The following SSH1 variants were observed in gnomAD, a reference collection of about 807,000 sequenced individuals.
The protein encoded by SSH1 is slingshot protein phosphatase 1.
A neutral mutation model predicts 79.7 loss-of-function variants in SSH1; 43 were observed. That is an observed-to-expected ratio of 0.54 (90% confidence interval 0.42 to 0.70). The LOEUF is 0.70. SSH1 is among the 30% of genes least tolerant of loss of function. SSH1 has a pLI of 0.00. For missense variants in SSH1, 1,206 were observed against 1,358.8 expected, an observed-to-expected ratio of 0.89 and a Z score of 1.77; for synonymous variants, 599 against 538.3, an observed-to-expected ratio of 1.11 and a Z score of -1.56.
chr12:108,839,661 C>G (rs1229448404), intron 2 of SSH1, among the ~76,000 whole-genome samples: 2 of 151,916 alleles, frequency 1.3e-5, no homozygotes, highest in Non-Finnish European at 2.9e-5. Flanking sequence ...CTAAAAATAG[C>G]TTCAAAAGTA....
At chr12:108,824,828 TAAGAA>T (rs1029181898) in intron 2 of SSH1, among the ~76,000 whole-genome samples, 13 of 152,202 alleles carry the variant, frequency 8.5e-5, no homozygotes, top group African/African-American at 2.9e-4. Context: ...AATTAAGACA[TAAGAA>T]AAGAATGCTT....
chr12:108,815,474 C>A lies in SSH1; in HGVS notation c.401+1564G>T, dbSNP rs75673115. On this transcript the variant is annotated intron_variant, in intron 5 of 14. Transcript: ENST00000326495. ...GCATTATTGGAACAGGCCACACTTG[C>A]GAGGGAAGTCCCTGCCTCAGAAAGA... Among the ~76,000 whole-genome samples, 1,191 of 152,286 alleles carry A rather than the reference C, an allele frequency of 7.8e-3. 12 individuals are homozygous for A. Among genetic ancestry groups the A allele is most frequent in the African/African-American group, 0.022 (925 of 41,548 alleles).
At chr12:108,810,767 C>T (rs2037544314) in intron 6 of SSH1, among the ~76,000 whole-genome samples, 1 of 152,244 alleles carries the variant, frequency 6.6e-6, no homozygotes, top group South Asian at 2.1e-4. Context: ...GACGGCCCCT[C>T]ATCCCCCGAC....
chr12:108,787,629 C>G lies in SSH1; in HGVS notation c.*359G>C, dbSNP rs952518377. On this transcript the variant is annotated 3_prime_UTR_variant, in exon 15 of 15. Transcript: ENST00000326495. ...AGCTAGAACGTGTGCCGCGGTGAGGCTGCCACCACCAGGACTCTTCTGCAG... is the reference window on the plus strand; with the variant it reads ...AGCTAGAACGTGTGCCGCGGTGAGGGTGCCACCACCAGGACTCTTCTGCAG... 2 of 283,422 alleles carry G rather than the reference C, an allele frequency of 7.1e-6. No homozygotes were observed. Among genetic ancestry groups the G allele is most frequent in the Non-Finnish European group, 1.4e-5 (2 of 147,044 alleles). 17.6% of individuals were successfully genotyped at this position (283,422 alleles called of 1,614,324 possible). A position where few individuals can be genotyped will look rare whatever the true frequency, so the allele number is the denominator to read the frequency against.
intron 2 of SSH1, among the ~76,000 whole-genome samples, chr12:108,844,410 G>A (rs2038850158): frequency 6.6e-6 from 1 of 152,190 alleles, no homozygotes; most frequent in Admixed American, 6.5e-5. Context: ...GTTTACCAGG[G>A]TGATGTCAGA....
In SSH1 at chr12:108,822,655, C is replaced by CT. The variant is rs987683471; in HGVS notation, c.214+602dup. Among the ~76,000 whole-genome samples, 37 of 152,206 alleles carry CT rather than the reference C, an allele frequency of 2.4e-4. 2 individuals carry two copies. The highest frequency in any genetic ancestry group is 7.5e-4 in the African/African-American group (31 of 41,452). Reference sequence around the variant, plus strand: ...TTCCTCTTTCTAACTGCCTTCAGCTCTGAGTCAAGTCTCCTAAGAAAACCA... The same window carrying CT: ...TTCCTCTTTCTAACTGCCTTCAGCTCTTGAGTCAAGTCTCCTAAGAAAACCA... On this transcript the variant is annotated intron_variant, in intron 3 of 14. Transcript: ENST00000326495.
intron 5 of SSH1, among the ~76,000 whole-genome samples, chr12:108,814,544 C>T (rs925666226): frequency 3.3e-5 from 5 of 152,134 alleles, no homozygotes; most frequent in African/African-American, 7.2e-5. Flanking sequence ...TCCCAGCCCC[C>T]GGGATTCCCT....
In SSH1 at chr12:108,817,444, G is replaced by C. The variant is rs1035279590; in HGVS notation, c.280-285C>G. 8.0e-6 allele frequency: 3 copies of C among 375,890 alleles called. No individual in the cohort carries two copies. The Admixed American group carries it at 1.1e-4, about 14-fold the overall frequency. The allele number at this position is 375,890 out of a possible 1,614,324, so 23.3% of individuals were successfully genotyped here. On this transcript the variant is annotated intron_variant, in intron 4 of 14. Coordinates refer to ENST00000326495, the MANE Select transcript of SSH1 (RefSeq NM_018984.4). ...ACAAAAATTAGCTGGGCATGGTGGCGTGCGCCTGTAATCCCAGCTACTCAG... is the reference window on the plus strand; with the variant it reads ...ACAAAAATTAGCTGGGCATGGTGGCCTGCGCCTGTAATCCCAGCTACTCAG...
intron 2 of SSH1, among the ~76,000 whole-genome samples, chr12:108,840,292 G>A (rs2038745276): frequency 6.6e-6 from 1 of 152,096 alleles, no homozygotes; most frequent in African/African-American, 2.4e-5. Context: ...AGCACTTTGG[G>A]AGGCCGAGGT....
chr12:108,804,998 C>T, intron 10 of SSH1, 58 bp downstream of exon 10: 1 of 1,597,988 alleles, frequency 6.3e-7, no homozygotes, highest in Non-Finnish European at 8.6e-7. Context: ...AACTCTTAAA[C>T]AACCAGGGTC....
chr12:108,798,088 A>C (rs547729346), intron 13 of SSH1, among the ~76,000 whole-genome samples: 69 of 152,326 alleles, frequency 4.5e-4, no homozygotes, highest in Non-Finnish European at 8.7e-4. Context: ...CAGAGCAAAG[A>C]GGCCGGTTCC....
intron 1 of SSH1, among the ~76,000 whole-genome samples, chr12:108,855,537 G>T (rs977612176): frequency 3.3e-5 from 5 of 152,206 alleles, no homozygotes; most frequent in South Asian, 2.1e-4. Context: ...CGTAAGACAA[G>T]AACAGATTAG....
In SSH1 at chr12:108,807,470, A is replaced by C; in HGVS notation, c.731+163T>G. 3.2e-6 allele frequency: 2 copies of C among 616,928 alleles called. No individual in the cohort carries two copies. The highest frequency in any genetic ancestry group is 5.7e-6 in the Non-Finnish European group (2 of 350,154). The allele number at this position is 616,928 out of a possible 1,614,324, so 38.2% of individuals were successfully genotyped here. ...CATGGGACAGGGGCCTGTGTCACAG[A>C]CCCCTGCTTTAAACGCTGGTTCTGA... On this transcript the variant is annotated intron_variant, in intron 8 of 14. Transcript: ENST00000326495. The surrounding 1 kb of genome is among the most constrained non-coding windows in gnomAD (Gnocchi z 5.2).
At chr12:108,830,384 C>T (rs1324606291) in intron 2 of SSH1, among the ~76,000 whole-genome samples, 4 of 152,008 alleles carry the variant, frequency 2.6e-5, no homozygotes, top group Non-Finnish European at 5.9e-5. Context: ...CCCTGGAGGT[C>T]GAGGCTGCAC....
chr12:108,818,502 G>A (rs780463304), intron 3 of SSH1, among the ~76,000 whole-genome samples, 189 bp from the exon 4 acceptor site: 8 of 152,222 alleles, frequency 5.3e-5, no homozygotes, highest in Non-Finnish European at 8.8e-5. Context: ...AATACTGTGC[G>A]ACGTGGATGG....
At chr12:108,815,945 G>A (rs1455698346) in intron 5 of SSH1, among the ~76,000 whole-genome samples, 1 of 152,174 alleles carries the variant, frequency 6.6e-6, no homozygotes, top group Non-Finnish European at 1.5e-5. Flanking sequence ...GCTCTCATGG[G>A]AACAAGACAA....
rs1178419219 is a variant in SSH1 at position 108,783,608 on chromosome 12, G to GACGA, written c.*4379_*4380insTCGT. On this transcript the variant is annotated 3_prime_UTR_variant, in exon 15 of 15. Transcript: ENST00000326495. ...GCACCTATGGCCAAACAAGAAGACG[G>GACGA]CAGTCTCTCCAGAACCACCCAGGGC... The GACGA allele has an allele frequency of 1.3e-5, 2 of 152,194 alleles. No homozygotes were observed. Among genetic ancestry groups the GACGA allele is most frequent in the Non-Finnish European group, 2.9e-5 (2 of 68,062 alleles). 9.4% of individuals were successfully genotyped at this position (152,194 alleles called of 1,614,324 possible). A position where few individuals can be genotyped will look rare whatever the true frequency, so the allele number is the denominator to read the frequency against.
intron 1 of SSH1, chr12:108,853,454 C>A (rs567979400): frequency 8.2e-6 from 5 of 610,176 alleles, no homozygotes; most frequent in Non-Finnish European, 1.0e-5. Flanking sequence ...CACAGAGGCG[C>A]CCATTGAATG....
rs1313627934 is a variant in SSH1 at position 108,843,428 on chromosome 12, G to A, written c.110+9210C>T. 3.3e-5 allele frequency among the ~76,000 whole-genome samples: 5 copies of A among 152,278 alleles called. 1 individual carries two copies. In the East Asian group the frequency reaches 5.8e-4, roughly 18 times the overall value. ...CAGCCCTGTCCCTAGGGTGGCTCACGGTCTAGTGGGCAGGGCCAGCTTCTT... is the reference window on the plus strand; with the variant it reads ...CAGCCCTGTCCCTAGGGTGGCTCACAGTCTAGTGGGCAGGGCCAGCTTCTT... On this transcript the variant is annotated intron_variant, in intron 2 of 14. Coordinates refer to ENST00000326495, the MANE Select transcript of SSH1 (RefSeq NM_018984.4).
Sources: gnomAD v4.1 joint callset for allele counts (sites outside exome capture counted in the v4.1 genomes callset) on GRCh38, gnomAD v4.1.1 for gene constraint, Gnocchi (gnomAD v3.1) non-coding constraint, MANE v1.5 for transcripts, NCBI Gene and HGNC (gene_info 2026-07-23, HGNC 2026-07-21) for gene names.